Variants in PDXDC1 observed in about 807,000 individuals in gnomAD.
The protein encoded by PDXDC1 is pyridoxal-dependent decarboxylase domain-containing protein 1.
Under a neutral mutation model 100.1 loss-of-function variants are expected in PDXDC1, and 42 were observed. The observed-to-expected ratio is 0.42, with a 90% CI of 0.33 to 0.54. PDXDC1 has a LOEUF of 0.54. PDXDC1 is among the 20% of genes least tolerant of loss of function. PDXDC1 has a pLI of 0.10. For missense variants in PDXDC1, 636 were observed against 979.2 expected (o/e 0.65, Z 4.68); for synonymous variants, 260 against 371.7 (o/e 0.70, Z 3.46).
downstream of PDXDC1, among the ~76,000 whole-genome samples, chr16:15,140,447 C>CAAAA (rs888007915): frequency 2.6e-5 from 1 of 39,066 alleles, no homozygotes; most frequent in Non-Finnish European, 5.5e-5. Flanking sequence ...AGCTCCATCT[C>CAAAA]AAAAAAAAAA....
At chr16:15,135,136 G>A in intron 16 of PDXDC1, 2 of 706,494 alleles carry the variant, frequency 2.8e-6, no homozygotes, top group Admixed American at 2.1e-5. Flanking sequence ...AGCTGAAGCA[G>A]GCTGTCGTGT....
At chr16:15,067,305 A>T (rs2151766275) in intron 16 of PDXDC1, among the ~76,000 whole-genome samples, 1 of 148,474 alleles carries the variant, frequency 6.7e-6, no homozygotes, top group East Asian at 1.9e-4. Context: ...AGAATAACTT[A>T]GTGAAAGCTT....
intron 16 of PDXDC1, chr16:15,134,351 G>A (rs1354362138): frequency 1.5e-5 from 10 of 676,654 alleles, no homozygotes; most frequent in Non-Finnish European, 2.4e-5. Context: ...AGCACCTGGC[G>A]TGGGAGTGGG....
intron 12 of PDXDC1, among the ~76,000 whole-genome samples, chr16:15,020,631 G>A (rs1343773212): frequency 1.3e-5 from 2 of 152,096 alleles, no homozygotes; most frequent in African/African-American, 4.8e-5. Flanking sequence ...GGAGCTTGCA[G>A]TGAGCCGAGA....
At chr16:15,068,270 C>T (rs564073678) in intron 16 of PDXDC1, 25 of 1,564,616 alleles carry the variant, frequency 1.6e-5, no homozygotes, top group Admixed American at 2.0e-5. Flanking sequence ...TCTGAAGATA[C>T]TGCAAACCTT....
At chr16:14,974,922 C>A (rs1247289679), upstream of PDXDC1, 4 of 1,535,294 alleles carry the variant, frequency 2.6e-6, no homozygotes, top group South Asian at 3.6e-5. Context: ...ATCCACCGGG[C>A]ATCCTCCCCC....
At chr16:15,026,730 T>C in intron 14 of PDXDC1, 24 bp downstream of exon 14, 1 of 1,604,844 alleles carries the variant, frequency 6.2e-7, no homozygotes, top group Non-Finnish European at 8.5e-7. Flanking sequence ...AAAAGAGGGT[T>C]ATTTTCATAT....
chr16:15,128,465 G>A (rs2047873968), intron 16 of PDXDC1: 3 of 839,086 alleles, frequency 3.6e-6, no homozygotes, highest in Non-Finnish European at 5.9e-6. Context: ...AGTCATCTCA[G>A]CTTTGGCCTC....
intron 16 of PDXDC1, chr16:15,131,166 G>A (rs1227844523): frequency 1.1e-5 from 17 of 1,589,322 alleles, no homozygotes; most frequent in Non-Finnish European, 1.5e-5. Flanking sequence ...CAGCACCGAC[G>A]GAGGCCTGGG....
chr16:15,101,302 G>A (rs2046538468), intron 16 of PDXDC1, among the ~76,000 whole-genome samples: 1 of 152,154 alleles, frequency 6.6e-6, no homozygotes, highest in African/African-American at 2.4e-5. Context: ...AGACAGATAG[G>A]CACGGTCTTT....
intron 16 of PDXDC1, among the ~76,000 whole-genome samples, chr16:15,099,246 A>C (rs1283617896): frequency 2.0e-5 from 3 of 151,790 alleles, no homozygotes; most frequent in Non-Finnish European, 4.4e-5. Context: ...AACATGGTGA[A>C]ACCCCATCTC....
At chr16:15,057,869 C>G (rs2151745706) in intron 16 of PDXDC1, among the ~76,000 whole-genome samples, 1 of 152,218 alleles carries the variant, frequency 6.6e-6, no homozygotes, top group South Asian at 2.1e-4. Context: ...TTTGGGTGAT[C>G]TTTTTTCAAG....
At chr16:14,991,265 ATATGTGTGTGTG>A (rs1463791997) in intron 1 of PDXDC1, among the ~76,000 whole-genome samples, 5 of 137,820 alleles carry the variant, frequency 3.6e-5, no homozygotes, top group South Asian at 2.5e-4. Context: ...ATGTATATAG[ATATGTGTGTGTG>A]TGTGTGTGTG....
chr16:15,098,066 C>T (rs1280871307), intron 16 of PDXDC1, among the ~76,000 whole-genome samples: 2 of 150,480 alleles, frequency 1.3e-5, no homozygotes, highest in Non-Finnish European at 3.0e-5. Context: ...CATGAGCCAC[C>T]GCGACCAGCC....
chr16:15,036,055 C>A lies in PDXDC1; in HGVS notation c.2147C>A (p.Ala716Asp), dbSNP rs1228109244. Reference sequence around the variant, plus strand: ...AAAAGGTCCCTGCGAGGTTCAGATGCTTTGAGTGAGACCAGCTCAGTCAGT... The same window carrying A: ...AAAAGGTCCCTGCGAGGTTCAGATGATTTGAGTGAGACCAGCTCAGTCAGT... The part of the protein sequence containing the change: ...PFKRSLRGSD[A>D]LSETSSVSHI... The change falls in exon 23 of 23, where the codon GCT becomes GAT. Residue 716 changes from alanine to aspartate, a missense_variant. Transcript: ENST00000396410. The A allele has an allele frequency of 6.2e-7, 1 of 1,614,146 alleles. No individual in the cohort carries two copies. Among genetic ancestry groups the A allele is most frequent in the Non-Finnish European group, 8.5e-7 (1 of 1,180,010 alleles).
chr16:15,104,422 A>C, intron 16 of PDXDC1: 1 of 1,444,260 alleles, frequency 6.9e-7, no homozygotes, highest in Non-Finnish European at 9.1e-7. Flanking sequence ...TCTTGAGATT[A>C]TCATCCGCTG....
At chr16:15,027,612 T>C (rs865954640) in intron 14 of PDXDC1, among the ~76,000 whole-genome samples, 1 of 152,292 alleles carries the variant, frequency 6.6e-6, no homozygotes, top group Non-Finnish European at 1.5e-5. Flanking sequence ...GGAGACAGAT[T>C]TCCCTTGGAG....
intron 16 of PDXDC1, chr16:15,047,160 G>T (rs1036066573): frequency 4.3e-6 from 2 of 462,486 alleles, no homozygotes; most frequent in Admixed American, 3.7e-5. Context: ...AGAGCAAAAC[G>T]ATGTGAAAAT....
chr16:15,007,210 G>A (rs1373836139), intron 6 of PDXDC1, among the ~76,000 whole-genome samples: 8 of 114,972 alleles, frequency 7.0e-5, no homozygotes, highest in Non-Finnish European at 9.7e-5. Context: ...TTGCTCTGTC[G>A]CCCAGGCCGG....
Sources: gnomAD v4.1 joint callset for allele counts (sites outside exome capture counted in the v4.1 genomes callset) on GRCh38, gnomAD v4.1.1 for gene constraint, MANE v1.5 for transcripts, NCBI Gene and HGNC (gene_info 2026-07-23, HGNC 2026-07-21) for gene names.